Variants in PUS10 observed in about 807,000 individuals in gnomAD.
PUS10 encodes the protein pseudouridine synthase 10, also known as tRNA pseudouridine synthase Pus10.
PUS10 carries 59 observed loss-of-function variants against 75.0 expected under a neutral mutation model. That is an observed-to-expected ratio of 0.79 (90% confidence interval 0.64 to 0.98). The LOEUF is 0.98. PUS10 is among the 50% of genes least tolerant of loss of function. The pLI is 0.00. For missense variants in PUS10, 650 were observed against 614.4 expected (o/e 1.06, Z -0.61); for synonymous variants, 219 against 211.6 (o/e 1.03, Z -0.30).
In PUS10 at chr2:61,000,059, C is replaced by A. The variant is rs577821013; in HGVS notation, c.468+6498G>T. 1.7e-3 allele frequency among the ~76,000 whole-genome samples: 263 copies of A among 152,030 alleles called. 1 individual carries two copies. Among genetic ancestry groups the A allele is most frequent in the African/African-American group, 6.1e-3 (252 of 41,448 alleles). On this transcript the variant is annotated intron_variant, in intron 4 of 17. Coordinates refer to ENST00000316752, the MANE Select transcript of PUS10 (RefSeq NM_144709.4). Reference sequence around the variant, plus strand: ...AGGGGCTCGGGGGTCCTAGAACCAACCCCCCACAGATATCAAGGGACAACT... The same window carrying A: ...AGGGGCTCGGGGGTCCTAGAACCAAACCCCCACAGATATCAAGGGACAACT...
At chr2:61,000,042 G>C (rs927340178) in intron 4 of PUS10, among the ~76,000 whole-genome samples, 1 of 152,010 alleles carries the variant, frequency 6.6e-6, no homozygotes, top group African/African-American at 2.4e-5. Flanking sequence ...TGAGGGGCTC[G>C]GGGGTCCTAG....
At chr2:60,966,688 TTATTCTC>T (rs1321944344) in intron 6 of PUS10, 3 of 152,322 alleles carry the variant, frequency 2.0e-5, no homozygotes, top group Non-Finnish European at 2.9e-5. Flanking sequence ...TGAAGTGGTT[TTATTCTC>T]TATTCTCTCA....
At chr2:60,985,928 C>A (rs1573466547) in intron 4 of PUS10, among the ~76,000 whole-genome samples, 1 of 117,258 alleles carries the variant, frequency 8.5e-6, no homozygotes, top group Non-Finnish European at 1.7e-5. Context: ...TAGGAGAAAC[C>A]AGACTTCACC....
chr2:60,962,989 C>A (rs1329999816), intron 8 of PUS10, 99 bp from the exon 9 acceptor site: 10 of 1,424,370 alleles, frequency 7.0e-6, no homozygotes, highest in Non-Finnish European at 9.1e-6. Flanking sequence ...TGTATCATTT[C>A]ATTATATCAT....
intron 6 of PUS10, chr2:60,967,195 G>C (rs1676390247): frequency 4.0e-6 from 1 of 249,526 alleles, no homozygotes. Flanking sequence ...TTATTTATAT[G>C]TTGCTTTGCA....
At chr2:60,957,352 C>T (rs1161573847) in intron 11 of PUS10, among the ~76,000 whole-genome samples, 1 of 152,202 alleles carries the variant, frequency 6.6e-6, no homozygotes, top group African/African-American at 2.4e-5. Flanking sequence ...CTGCAAGACC[C>T]ATGACACACC....
chr2:60,948,519 G>A (rs895937758), intron 15 of PUS10, among the ~76,000 whole-genome samples: 4 of 152,028 alleles, frequency 2.6e-5, no homozygotes, highest in Non-Finnish European at 4.4e-5. Context: ...GCTCCACTGC[G>A]CCCCGTCGAG....
chr2:61,010,606 T>G, intron 2 of PUS10: 7 of 609,034 alleles, frequency 1.1e-5, no homozygotes, highest in African/African-American at 1.8e-5. Flanking sequence ...ATTACAGGCG[T>G]GAGCCACCGC....
At chr2:60,981,908 AC>A (rs1677418115) in intron 4 of PUS10, among the ~76,000 whole-genome samples, 1 of 152,124 alleles carries the variant, frequency 6.6e-6, no homozygotes, top group Non-Finnish European at 1.5e-5. Context: ...CCTTGCAAGG[AC>A]TTCTAGGGGT....
intron 14 of PUS10, among the ~76,000 whole-genome samples, chr2:60,953,349 A>G (rs191472076): frequency 6.2e-4 from 94 of 152,280 alleles, no homozygotes; most frequent in African/African-American, 2.1e-3. Flanking sequence ...ACTTCTCATT[A>G]TTATTCTCCC....
At chr2:61,009,499 A>G (rs1055774998) in intron 2 of PUS10, among the ~76,000 whole-genome samples, 9 of 152,222 alleles carry the variant, frequency 5.9e-5, no homozygotes, top group African/African-American at 1.4e-4. Context: ...GGGTAGTCTA[A>G]TAAGTAAAAA....
chr2:61,005,123 T>C (rs1679122132), intron 4 of PUS10, among the ~76,000 whole-genome samples: 2 of 152,050 alleles, frequency 1.3e-5, no homozygotes, highest in Non-Finnish European at 2.9e-5. Context: ...TAGCCAGGCG[T>C]GGTGACGCAT....
At chr2:60,959,111 A>G (rs1439224620) in intron 11 of PUS10, among the ~76,000 whole-genome samples, 1 of 152,196 alleles carries the variant, frequency 6.6e-6, no homozygotes, top group East Asian at 1.9e-4. Flanking sequence ...ATTCAAAAAC[A>G]TTACAGCTGC....
chr2:60,971,417 C>G (rs978198136), intron 5 of PUS10, 106 bp downstream of exon 5: 1 of 961,706 alleles, frequency 1.0e-6, no homozygotes, highest in East Asian at 2.4e-5. Flanking sequence ...TCTCTAGTAG[C>G]TAGTGAATGC....
intron 4 of PUS10, among the ~76,000 whole-genome samples, chr2:61,003,920 T>C (rs544565943): frequency 1.1e-4 from 17 of 152,310 alleles, no homozygotes; most frequent in South Asian, 2.1e-4. Flanking sequence ...TACTACCATA[T>C]TGATAAAGTG....
intron 11 of PUS10, among the ~76,000 whole-genome samples, chr2:60,956,843 C>T (rs548269361): frequency 5.3e-5 from 8 of 151,516 alleles, no homozygotes; most frequent in Admixed American, 3.3e-4. Context: ...GGTGTGGTGG[C>T]GTGTGCCTGT....
intron 1 of PUS10, among the ~76,000 whole-genome samples, chr2:61,013,524 G>A (rs1482867178): frequency 6.6e-6 from 1 of 152,168 alleles, no homozygotes; most frequent in Non-Finnish European, 1.5e-5. Flanking sequence ...TTATCATTAT[G>A]TCTTCATTCT....
chr2:60,961,297 C>T (rs1345143531), intron 10 of PUS10, among the ~76,000 whole-genome samples, 166 bp downstream of exon 10: 1 of 152,086 alleles, frequency 6.6e-6, no homozygotes, highest in African/African-American at 2.4e-5. Flanking sequence ...CTTTAGAATG[C>T]CCACAAAACC....
At chr2:60,972,293 C>T (rs1205140162) in intron 4 of PUS10, among the ~76,000 whole-genome samples, 2 of 150,704 alleles carry the variant, frequency 1.3e-5, no homozygotes, top group South Asian at 2.1e-4. Flanking sequence ...GAAACCCCGT[C>T]TCTACTGAAA....
Sources: allele counts gnomAD v4.1 joint callset (sites outside exome capture counted in the v4.1 genomes callset), GRCh38; gene constraint gnomAD v4.1.1; transcripts MANE v1.5; gene names NCBI Gene and HGNC (gene_info 2026-07-23, HGNC 2026-07-21).